The following RUVBL2 variants were observed in gnomAD, a reference collection of about 807,000 sequenced individuals.
RUVBL2 encodes the protein ruvB-like 2.
A neutral mutation model predicts 57.9 loss-of-function variants in RUVBL2; 9 were observed. The observed-to-expected ratio is 0.16, with a 90% CI of 0.09 to 0.27. RUVBL2 has a LOEUF of 0.27. RUVBL2 is among the 10% of genes least tolerant of loss of function. The pLI is 1.00. For missense variants in RUVBL2, 456 were observed against 669.6 expected, an observed-to-expected ratio of 0.68 and a Z score of 3.52; for synonymous variants, 278 against 264.6, an observed-to-expected ratio of 1.05 and a Z score of -0.49.
In RUVBL2 at chr19:49,010,037, G is replaced by A. The variant is rs1330479810; in HGVS notation, c.634G>A (p.Ala212Thr). ...CAAGCTGGGCCGCTCCTTCACACGC[G>A]CCCGCGACTACGACGCTATGGGCTC... ...ISKLGRSFTR[A>T]RDYDAMGSQT... Residue 212 changes from alanine to threonine, a missense_variant, in exon 8 of 15, where the codon GCC (alanine) becomes ACC (threonine). Coordinates refer to ENST00000595090, the MANE Select transcript of RUVBL2 (RefSeq NM_006666.3). 3.1e-6 allele frequency: 5 copies of A among 1,594,944 alleles called. No individual in the cohort carries two copies. Among genetic ancestry groups the A allele is most frequent in the African/African-American group, 2.7e-5 (2 of 74,342 alleles).
intron 11 of RUVBL2, among the ~76,000 whole-genome samples, chr19:49,013,748 A>G (rs1374708621): frequency 2.0e-5 from 3 of 152,170 alleles, no homozygotes; most frequent in Non-Finnish European, 4.4e-5. Flanking sequence ...CCCTGTCTGT[A>G]TTAAAAATAG....
intron 1 of RUVBL2, among the ~76,000 whole-genome samples, chr19:48,998,727 A>G (rs910819503): frequency 1.4e-5 from 2 of 144,112 alleles, no homozygotes; most frequent in Admixed American, 6.9e-5. Flanking sequence ...GAAAAAAAAA[A>G]AAGAAATGGG....
chr19:49,004,168 A>G, intron 3 of RUVBL2, 109 bp from the exon 4 acceptor site: 2 of 1,309,940 alleles, frequency 1.5e-6, no homozygotes, highest in Non-Finnish European at 1.0e-6. Flanking sequence ...GGCTTTTCCT[A>G]GAAGTCCCAG....
At chr19:49,010,430 C>T in intron 8 of RUVBL2, 58 bp from the exon 9 acceptor site, 3 of 1,588,954 alleles carry the variant, frequency 1.9e-6, no homozygotes, top group Non-Finnish European at 2.6e-6. Flanking sequence ...TTTAGGGGCC[C>T]CCTTCATGCC....
intron 9 of RUVBL2, 24 bp downstream of exon 9, chr19:49,010,635 T>TGCCCTGCCCTGCCCC: frequency 6.2e-7 from 1 of 1,612,062 alleles, no homozygotes; most frequent in Admixed American, 1.7e-5. Flanking sequence ...TGCCCTGCCC[T>TGCCCTGCCCTGCCCC]GCCCTGCCCT....
At chr19:49,010,177 T>G (rs1457097946) in intron 8 of RUVBL2, 111 bp downstream of exon 8, 6 of 1,030,080 alleles carry the variant, frequency 5.8e-6, no homozygotes, top group African/African-American at 1.6e-5. Context: ...CCTGACTGTT[T>G]GTCCTGGTAC....
At chr19:49,006,975 G>C in intron 4 of RUVBL2, 43 bp from the exon 5 acceptor site, 2 of 1,601,188 alleles carry the variant, frequency 1.2e-6, no homozygotes. Flanking sequence ...TCGGGGACCT[G>C]GTGCCAGAGC....
chr19:48,999,446 G>C (rs1481327969), intron 2 of RUVBL2, 73 bp downstream of exon 2: 1 of 1,502,188 alleles, frequency 6.7e-7, no homozygotes, highest in Non-Finnish European at 9.3e-7. Context: ...ACCTATTGAG[G>C]ACCCCTAAGA....
intron 1 of RUVBL2, among the ~76,000 whole-genome samples, chr19:48,996,540 G>T (rs914510992): frequency 3.5e-5 from 5 of 144,902 alleles, no homozygotes; most frequent in Non-Finnish European, 3.0e-5. Context: ...GTGTGTGTGT[G>T]TTAGTGATAG....
intron 11 of RUVBL2, among the ~76,000 whole-genome samples, chr19:49,013,491 T>G (rs1180867496): frequency 6.6e-6 from 1 of 152,122 alleles, no homozygotes; most frequent in Non-Finnish European, 1.5e-5. Flanking sequence ...GCAAGGAGGC[T>G]GTGAAGCCTG....
At chr19:49,007,228 C>T in intron 5 of RUVBL2, 74 bp from the exon 6 acceptor site, 2 of 1,607,854 alleles carry the variant, frequency 1.2e-6, no homozygotes, top group East Asian at 2.2e-5. Context: ...TCCTTTGTCC[C>T]AGAGCTCATG....
chr19:49,004,956 T>G (rs2039254581), intron 4 of RUVBL2, among the ~76,000 whole-genome samples: 1 of 151,322 alleles, frequency 6.6e-6, no homozygotes, highest in Admixed American at 6.6e-5. Context: ...AAAAGGTTGT[T>G]GTAAAAATAA....
In RUVBL2 at chr19:49,010,469, C is replaced by CA; in HGVS notation, c.664-19_664-18insA. On this transcript the variant is annotated intron_variant, in intron 8 of 14. Transcript: ENST00000595090. Reference sequence around the variant, plus strand: ...CCCTGCCCTGTCTCCGCCGTTCTTCCCCCACCCCCGCCCCATAGACCAAGT... The same window carrying CA: ...CCCTGCCCTGTCTCCGCCGTTCTTCCACCCACCCCCGCCCCATAGACCAAGT... The CA allele has an allele frequency of 9.2e-7, 1 of 1,088,028 alleles. No homozygotes were observed. 67.4% of individuals were successfully genotyped at this position (1,088,028 alleles called of 1,614,324 possible).
Position 49,015,098 on chromosome 19 carries a change from G to C in RUVBL2, c.1199G>C (p.Arg400Pro). ...CGCATCGGGCTGGAGACGTCACTGC[G>C]CTACGCCATCCAGCTCATCACAGCT... ...LTRIGLETSLRYAIQLITAAS... is the reference protein window; with the variant it reads ...LTRIGLETSLPYAIQLITAAS... The change falls in exon 13 of 15, where the codon CGC (arginine) becomes CCC (proline). Residue 400 changes from arginine (R) to proline (P), a missense_variant. By Grantham distance (103) the Arg-to-Pro change is moderately radical. Around this residue, in one of 5 missense-constraint regions of RUVBL2, gnomAD observed 130 missense variants for 243.0 expected, o/e 0.53. Coordinates refer to ENST00000595090, the MANE Select transcript of RUVBL2 (RefSeq NM_006666.3). The C allele has an allele frequency of 3.1e-6, 5 of 1,609,896 alleles. No individual in the cohort carries two copies. Among genetic ancestry groups the C allele is most frequent in the Non-Finnish European group, 3.4e-6 (4 of 1,178,332 alleles).
intron 13 of RUVBL2, 59 bp from the exon 14 acceptor site, chr19:49,015,513 G>A (rs1251573641): frequency 3.1e-6 from 4 of 1,279,696 alleles, no homozygotes; most frequent in Non-Finnish European, 4.6e-6. Context: ...ATACGCTGGG[G>A]TCTGTGCCTT....
chr19:49,010,801 G>A (rs956643887), intron 9 of RUVBL2, among the ~76,000 whole-genome samples, 190 bp downstream of exon 9: 2 of 152,094 alleles, frequency 1.3e-5, no homozygotes, highest in African/African-American at 4.8e-5. Flanking sequence ...GTGCTGTGAT[G>A]GGTGTGGCCC....
chr19:49,009,563 G>A (rs1439263006), intron 6 of RUVBL2, among the ~76,000 whole-genome samples: 7 of 152,184 alleles, frequency 4.6e-5, no homozygotes, highest in Non-Finnish European at 1.5e-5. Context: ...AGTATGGTCC[G>A]TTGGGACATA....
Position 49,007,997 on chromosome 19 carries a change from A to G in RUVBL2, c.462+629A>G, listed in dbSNP as rs925342151. 1.3e-4 allele frequency among the ~76,000 whole-genome samples: 18 copies of G among 137,808 alleles called. No individual in the cohort carries two copies. In the East Asian group the frequency reaches 3.0e-3, roughly 23 times the overall value. The allele number at this position is 137,808 out of a possible 152,430, so 90.4% of individuals were successfully genotyped here. On this transcript the variant is annotated intron_variant, in intron 6 of 14. Coordinates refer to ENST00000595090, the MANE Select transcript of RUVBL2 (RefSeq NM_006666.3). Reference sequence around the variant, plus strand: ...GCTGGGATTACAGCCGTGAGCCACCATACCTGGCCTCTTTTTTTTTTTTTT... The same window carrying G: ...GCTGGGATTACAGCCGTGAGCCACCGTACCTGGCCTCTTTTTTTTTTTTTT...
chr19:49,002,320 G>A, intron 2 of RUVBL2, among the ~76,000 whole-genome samples: 1 of 152,038 alleles, frequency 6.6e-6, no homozygotes. Context: ...GAAGTGCTGG[G>A]ATTATAAGCG....
Sources: gnomAD v4.1 joint callset for allele counts (sites outside exome capture counted in the v4.1 genomes callset) on GRCh38, gnomAD v4.1.1 for gene constraint, gnomAD v4.1.1 regional missense constraint, MANE v1.5 for transcripts, NCBI Gene and HGNC (gene_info 2026-07-23, HGNC 2026-07-21) for gene names.